KANSL1: variants seen among roughly 807,000 people sequenced by gnomAD.
The protein encoded by KANSL1 is MLL1/MLL complex subunit KANSL1.
In KANSL1, 22 loss-of-function variants were observed where a neutral mutation model predicts 103.6. That is an observed-to-expected ratio of 0.21 (90% CI 0.15 to 0.30). The LOEUF (loss-of-function observed/expected upper bound fraction) is 0.30, where lower values mean the gene tolerates loss of function less well. Among genes scored for constraint, KANSL1 ranks in the 10% least tolerant of loss-of-function variants. The pLI, the probability that KANSL1 is intolerant of heterozygous loss-of-function variation, is 1.00. For synonymous variants in KANSL1, 600 were observed against 527.6 expected (o/e 1.14, Z -1.88); for missense variants, 1,337 against 1,399.8 (o/e 0.96, Z 0.72).
chr17:46,170,802 C>T (rs2046243438), intron 2 of KANSL1, 53 bp downstream of exon 2: 2 of 1,500,912 alleles, frequency 1.3e-6, no homozygotes, highest in African/African-American at 1.4e-5. Flanking sequence ...TTCATTCATT[C>T]TTCCTTGTGC....
chr17:46,147,212 C>A (rs1367544465), intron 2 of KANSL1, among the ~76,000 whole-genome samples: 1 of 152,168 alleles, frequency 6.6e-6, no homozygotes, highest in Non-Finnish European at 1.5e-5. Context: ...ACAGAAAAAT[C>A]AACCAATATA....
chr17:46,204,773 G>A (rs1304903145), intron 1 of KANSL1, among the ~76,000 whole-genome samples: 2 of 152,192 alleles, frequency 1.3e-5, no homozygotes, highest in Admixed American at 6.5e-5. Flanking sequence ...TAATCCCAGG[G>A]ATTCAAGGTT....
chr17:46,134,700 T>C (rs560707963), intron 2 of KANSL1, among the ~76,000 whole-genome samples: 1 of 151,684 alleles, frequency 6.6e-6, no homozygotes, highest in East Asian at 2.0e-4. Context: ...CAAAAATTAA[T>C]CGAGCACGGT....
intron 7 of KANSL1, chr17:46,040,543 C>G (rs368807733): frequency 6.6e-6 from 1 of 152,212 alleles, no homozygotes; most frequent in South Asian, 2.1e-4. Flanking sequence ...AAAGGAATTT[C>G]TAGATTTAAA....
At chr17:46,138,941 T>C (rs890933213) in intron 2 of KANSL1, among the ~76,000 whole-genome samples, 2 of 152,216 alleles carry the variant, frequency 1.3e-5, no homozygotes, top group African/African-American at 4.8e-5. Context: ...ATTAAACCTA[T>C]TCTCACTCAA....
intron 2 of KANSL1, among the ~76,000 whole-genome samples, chr17:46,140,574 GTAAA>G: frequency 6.6e-6 from 1 of 151,804 alleles, no homozygotes; most frequent in Non-Finnish European, 1.5e-5. Flanking sequence ...TAAAACTTCT[GTAAA>G]TAATAATCAA....
rs1187796746 is a variant in KANSL1, at chr17:46,039,362, T to C, written c.2204-147A>G. 9 of 723,034 alleles carry C rather than the reference T, an allele frequency of 1.2e-5. No homozygotes were observed. In the East Asian group the frequency reaches 2.6e-4, roughly 21 times the overall value. The allele number at this position is 723,034 out of a possible 1,614,324, so 44.8% of individuals were successfully genotyped here. On this transcript the variant is annotated intron_variant, in intron 8 of 14. Transcript: ENST00000432791. ...CTTCAGGACTGAAGTTTCTAGTAAT[T>C]TGCACAATGGCTAGGATAGGCACAG...
chr17:46,171,873 G>C lies in KANSL1; in HGVS notation c.271C>G (p.Pro91Ala), dbSNP rs781684444. Residue 91 changes from proline (P) to alanine (A), a missense_variant, in exon 2 of 15, where the codon CCC becomes GCC. By Grantham distance (27) the Pro-to-Ala change is conservative. This residue lies in a region of KANSL1 where 557 missense variants were observed against 476.4 expected (regional missense o/e 1.17). Transcript: ENST00000432791. The part of the protein sequence containing the change: ...SYLCSDVTSV[P>A]SKESLKLQGV... The stretch of plus-strand genomic sequence containing the variant: ...TGCAACTTCAAAGACTCCTTTGAGG[G>C]AACAGATGTTACATCAGAGCAGAGA... 1 of 1,614,258 alleles carries C rather than the reference G, an allele frequency of 6.2e-7. No individual in the cohort carries two copies. The highest frequency in any genetic ancestry group is 8.5e-7 in the Non-Finnish European group (1 of 1,180,054).
intron 10 of KANSL1, chr17:46,037,225 G>C (rs1341525302): frequency 6.6e-6 from 1 of 152,172 alleles, no homozygotes; most frequent in Non-Finnish European, 1.5e-5. Context: ...ATCAGAATTA[G>C]TTTAGACTCT....
rs568075432 is a variant in KANSL1 at position 46,208,685 on chromosome 17, G to A, written c.-90+14986C>T. Among the ~76,000 whole-genome samples the A allele has an allele frequency of 2.7e-5, 4 of 150,492 alleles. 1 individual carries two copies. The highest frequency in any genetic ancestry group is 4.2e-4 in the South Asian group (2 of 4,802). On this transcript the variant is annotated intron_variant, in intron 1 of 14. Transcript: ENST00000572904. Reference sequence around the variant, plus strand: ...CAGCACCTCAGAACCTGATCTTAGAGACAGGATCTTCAGGCCAGGTGGCTT... The same window carrying A: ...CAGCACCTCAGAACCTGATCTTAGAAACAGGATCTTCAGGCCAGGTGGCTT...
At chr17:46,185,916 C>T (rs1219948276) in intron 1 of KANSL1, among the ~76,000 whole-genome samples, 12 of 152,098 alleles carry the variant, frequency 7.9e-5, no homozygotes. Flanking sequence ...GTTAATCCTA[C>T]TTCTATGCTA....
chr17:46,032,133 G>A lies in KANSL1; in HGVS notation c.3004C>T (p.Leu1002Phe). 1 of 1,614,074 alleles carries A rather than the reference G, an allele frequency of 6.2e-7. No homozygotes were observed. Among genetic ancestry groups the A allele is most frequent in the Non-Finnish European group, 8.5e-7 (1 of 1,179,980 alleles). ...PISPELHSAP[L>F]TPVARDTPRH... is the part of the protein sequence containing the mutation. Reference sequence around the variant, plus strand: ...GGAGTGTCCCGAGCCACAGGGGTGAGGGGTGCTGAGTGCAGTTCCGGGCTA... The same window carrying A: ...GGAGTGTCCCGAGCCACAGGGGTGAAGGGTGCTGAGTGCAGTTCCGGGCTA... The change falls in exon 14 of 15, where the codon CTC becomes TTC. Residue 1002 changes from leucine to phenylalanine, a missense_variant. Around this residue, in one of 2 missense-constraint regions of KANSL1, gnomAD observed 780 missense variants for 923.4 expected, o/e 0.84. Transcript: ENST00000432791.
chr17:46,136,794 C>G (rs1429661179), intron 2 of KANSL1, among the ~76,000 whole-genome samples: 1 of 152,232 alleles, frequency 6.6e-6, no homozygotes, highest in Non-Finnish European at 1.5e-5. Context: ...GACAAAAGCA[C>G]TTTTGTCCAA....
chr17:46,129,533 C>T (rs2043742332), intron 2 of KANSL1, among the ~76,000 whole-genome samples: 1 of 152,220 alleles, frequency 6.6e-6, no homozygotes, highest in Non-Finnish European at 1.5e-5. Context: ...AAAGACCTGC[C>T]TCACCAAACA....
intron 1 of KANSL1, chr17:46,222,835 T>TA (rs1317115288): frequency 6.6e-6 from 1 of 152,240 alleles, no homozygotes; most frequent in East Asian, 1.9e-4. Context: ...ATCCCCTCCT[T>TA]ACGTCTTTTC....
chr17:46,107,925 T>A (rs967985596), intron 2 of KANSL1, among the ~76,000 whole-genome samples: 1 of 152,198 alleles, frequency 6.6e-6, no homozygotes, highest in African/African-American at 2.4e-5. Flanking sequence ...GCAAATCTTA[T>A]TGGCACTGTC....
chr17:46,148,548 A>G (rs1012814803), intron 2 of KANSL1, among the ~76,000 whole-genome samples: 1 of 152,050 alleles, frequency 6.6e-6, no homozygotes. Context: ...GCTTACAATT[A>G]AAAGCCTCTT....
intron 2 of KANSL1, among the ~76,000 whole-genome samples, chr17:46,138,209 ATGTTTAT>A (rs1233235614): frequency 6.6e-6 from 1 of 152,216 alleles, no homozygotes; most frequent in African/African-American, 2.4e-5. Flanking sequence ...CTCAAAGGTA[ATGTTTAT>A]TGAAGCATTT....
intron 7 of KANSL1, 123 bp from the exon 8 acceptor site, chr17:46,040,007 C>T: frequency 2.5e-6 from 2 of 786,724 alleles, no homozygotes. Context: ...CAAGTGCTGT[C>T]ATATGGAAGA....
Sources: allele counts gnomAD v4.1 joint callset (sites outside exome capture counted in the v4.1 genomes callset), GRCh38; gene constraint gnomAD v4.1.1; regional missense constraint gnomAD v4.1.1; transcripts MANE v1.5; gene names NCBI Gene and HGNC (gene_info 2026-07-23, HGNC 2026-07-21).